Variants in IFT140 observed in about 807,000 individuals in gnomAD.
IFT140 encodes intraflagellar transport protein 140 homolog.
In IFT140, 133 loss-of-function variants were observed where a neutral mutation model predicts 164.6. The ratio of observed to expected loss-of-function variants is 0.81; its 90% CI spans 0.70 to 0.93. IFT140 has a LOEUF of 0.93. Among genes scored for constraint, IFT140 ranks in the 40% least tolerant of loss-of-function variants. The pLI, the probability that IFT140 is intolerant of heterozygous loss-of-function variation, is 0.00. For synonymous variants in IFT140, 860 were observed against 817.3 expected (o/e 1.05, Z -0.89); for missense variants, 2,045 against 1,972.3 (o/e 1.04, Z -0.70).
At chr16:1,540,472 G>A (rs898532208) in intron 19 of IFT140, among the ~76,000 whole-genome samples, 5 of 152,186 alleles carry the variant, frequency 3.3e-5, no homozygotes, top group African/African-American at 4.8e-5. Flanking sequence ...TCCCACAGGC[G>A]TGCTCTGAGG....
At chr16:1,534,172 G>A in intron 19 of IFT140, 2 of 1,466,636 alleles carry the variant, frequency 1.4e-6, no homozygotes, top group South Asian at 1.3e-5. Flanking sequence ...AGGATGAGTG[G>A]TGATGTCCTC....
chr16:1,604,281 G>GTGTGTGTGTGTGTGTGTGTGTA (rs1341902160), intron 3 of IFT140: 1 of 128,996 alleles, frequency 7.8e-6, no homozygotes, highest in Admixed American at 7.7e-5. Context: ...GGGCGTGTGT[G>GTGTGTGTGTGTGTGTGTGTGTA]TGTGTGTGTG....
rs749699473 is a variant in IFT140 at position 1,587,295 on chromosome 16, G to T, written c.912C>A (p.Asp304Glu). 3 of 1,608,470 alleles carry T rather than the reference G, an allele frequency of 1.9e-6. No individual in the cohort carries two copies. Among genetic ancestry groups the T allele is most frequent in the Non-Finnish European group, 2.6e-6 (3 of 1,175,038 alleles). ...AVGEAALRFW[D>E]IERGENYILS... Reference sequence around the variant, plus strand: ...GTATATAATTCTCTCCTCGTTCTATGTCCCAGAATCTACAACAGAAGAAAG... The same window carrying T: ...GTATATAATTCTCTCCTCGTTCTATTTCCCAGAATCTACAACAGAAGAAAG... Residue 304 changes from aspartate (D) to glutamate (E), a missense_variant, in exon 9 of 31, where the codon GAC becomes GAA. Transcript: ENST00000426508.
chr16:1,525,980 G>C lies in IFT140; in HGVS notation c.2675C>G (p.Ala892Gly), dbSNP rs765777128. ...AGRWQEALQV[A>G]EHHDRVHLRS... ...CAGGTGCACGCGATCGTGGTGCTCG[G>C]CTACCTGGAGGGCCTCCTGCCACCG... Residue 892 changes from alanine to glycine, a missense_variant, in exon 21 of 31, where the codon GCC (alanine) becomes GGC (glycine). Physicochemically the swap from Ala to Gly is moderately conservative, Grantham distance 60 (BLOSUM62 0). Transcript: ENST00000426508. The C allele has an allele frequency of 1.9e-6, 3 of 1,593,082 alleles. No individual in the cohort carries two copies. In the African/African-American group the frequency reaches 4.0e-5, roughly 21 times the overall value.
rs372009545 is a variant in IFT140, at chr16:1,579,086, C to T, written c.1524+1673G>A. ...TGTTGACAACAAGACTTACCAATAA[C>T]GTAAGCAGTTGATTGACACATATGT... is the stretch of plus-strand genomic sequence containing the variant. On this transcript the variant is annotated intron_variant, in intron 13 of 30. Coordinates refer to ENST00000426508, the MANE Select transcript of IFT140 (RefSeq NM_014714.4). Among the ~76,000 whole-genome samples the T allele has an allele frequency of 3.9e-5, 6 of 152,224 alleles. No individual in the cohort carries two copies. The East Asian group carries it at 5.8e-4, about 15-fold the overall frequency.
intron 4 of IFT140, among the ~76,000 whole-genome samples, chr16:1,594,295 A>T (rs1372337448): frequency 6.6e-6 from 1 of 151,448 alleles, no homozygotes; most frequent in African/African-American, 2.4e-5. Flanking sequence ...ATCACAGCTC[A>T]CTGCAGCCTC....
chr16:1,542,174 C>A, intron 19 of IFT140: 2 of 1,344,912 alleles, frequency 1.5e-6, no homozygotes, highest in Non-Finnish European at 2.0e-6. Flanking sequence ...TGGGGGGAAG[C>A]TGCAGGCCAT....
intron 19 of IFT140, chr16:1,554,062 TGGA>T: frequency 7.8e-7 from 1 of 1,287,050 alleles, no homozygotes; most frequent in Non-Finnish European, 1.0e-6. Flanking sequence ...GGGGAAAGCA[TGGA>T]AGGAAAATCT....
At chr16:1,546,643 C>T (rs956212072) in intron 19 of IFT140, among the ~76,000 whole-genome samples, 10 of 152,212 alleles carry the variant, frequency 6.6e-5, no homozygotes, top group African/African-American at 2.4e-4. Context: ...GCCTGTCTCC[C>T]TCGGGGGCGC....
intron 4 of IFT140, among the ~76,000 whole-genome samples, chr16:1,598,696 G>A (rs1021391041): frequency 2.0e-5 from 3 of 152,250 alleles, no homozygotes; most frequent in African/African-American, 4.8e-5. Flanking sequence ...TTGGGCATCC[G>A]CTAAGCCACA....
intron 4 of IFT140, 22 bp downstream of exon 4, chr16:1,602,347 GC>G: frequency 3.7e-6 from 6 of 1,600,882 alleles, no homozygotes; most frequent in Non-Finnish European, 5.1e-6. Context: ...TCTGAAAACA[GC>G]GTCTTGCGCG....
At chr16:1,559,767 C>T (rs964931937) in intron 18 of IFT140, among the ~76,000 whole-genome samples, 1 of 152,126 alleles carries the variant, frequency 6.6e-6, no homozygotes, top group South Asian at 2.1e-4. Flanking sequence ...CTCGGTAAAG[C>T]GAACATGCAA....
intron 19 of IFT140, among the ~76,000 whole-genome samples, chr16:1,535,821 C>T (rs894216794): frequency 1.3e-5 from 2 of 152,234 alleles, no homozygotes; most frequent in African/African-American, 4.8e-5. Context: ...GGACCAACAG[C>T]CGTCTTTTAA....
chr16:1,576,267 C>T (rs1365252991), intron 13 of IFT140, among the ~76,000 whole-genome samples: 1 of 134,846 alleles, frequency 7.4e-6, no homozygotes, highest in Non-Finnish European at 1.5e-5. Flanking sequence ...GACTGGGCAA[C>T]AGAGTGAGAC....
intron 11 of IFT140, 68 bp downstream of exon 11, chr16:1,584,149 C>A: frequency 1.4e-6 from 2 of 1,444,224 alleles, no homozygotes; most frequent in Admixed American, 1.9e-5. Flanking sequence ...CCCTTGCTGC[C>A]CTGAACTACC....
intron 19 of IFT140, chr16:1,541,835 CAG>C: frequency 1.4e-6 from 2 of 1,454,844 alleles, no homozygotes; most frequent in South Asian, 1.4e-5. Flanking sequence ...CCGAGGCAAA[CAG>C]AGACCACGAA....
At position 1,520,011 on chromosome 16, in the gene IFT140, G is replaced by C. The variant is rs1389329983; in HGVS notation, c.3910C>G (p.His1304Asp). 6.2e-7 allele frequency: 1 copy of C among 1,601,978 alleles called. No homozygotes were observed. Among genetic ancestry groups the C allele is most frequent in the East Asian group, 2.2e-5 (1 of 44,730 alleles). ...IDEYQNYDKA[H>D]GALTEAYKCL... ...TTGTAGGCCTCGGTCAGCGCCCCGTGGGCTTTGTCGTAGTTCTGGTATTCA... is the reference window on the plus strand; with the variant it reads ...TTGTAGGCCTCGGTCAGCGCCCCGTCGGCTTTGTCGTAGTTCTGGTATTCA... Residue 1304 changes from histidine (H) to aspartate (D), a missense_variant, in exon 29 of 31, where the codon CAC becomes GAC. Physicochemically the swap from His to Asp is moderately conservative, Grantham distance 81. Coordinates refer to ENST00000426508, the MANE Select transcript of IFT140 (RefSeq NM_014714.4).
rs867978383 is a variant in IFT140, at chr16:1,533,811, C to T, written c.2400-7015G>A. ...GCAGCACAGAGGAGCTGTGAACCCG[C>T]TCCACACCGGCCACCCTGCCCGGAG... On this transcript the variant is annotated intron_variant, in intron 19 of 30. Coordinates refer to ENST00000426508, the MANE Select transcript of IFT140 (RefSeq NM_014714.4). This position sits in a 1 kb window ranked among gnomAD's most constrained non-coding sequence, Gnocchi z 4.7. The T allele has an allele frequency of 1.4e-5, 3 of 217,340 alleles. No individual in the cohort carries two copies. The South Asian group carries it at 2.0e-4, about 14-fold the overall frequency. 13.5% of individuals were successfully genotyped at this position (217,340 alleles called of 1,614,324 possible).
At chr16:1,556,078 C>G (rs2033061016) in intron 19 of IFT140, among the ~76,000 whole-genome samples, 1 of 152,152 alleles carries the variant, frequency 6.6e-6, no homozygotes, top group Non-Finnish European at 1.5e-5. Context: ...TGCACTCCAG[C>G]CTGGGTGACA....
Sources: allele counts gnomAD v4.1 joint callset (sites outside exome capture counted in the v4.1 genomes callset), GRCh38; gene constraint gnomAD v4.1.1; non-coding constraint Gnocchi (gnomAD v3.1); transcripts MANE v1.5; gene names NCBI Gene and HGNC (gene_info 2026-07-23, HGNC 2026-07-21).